The following AKAP6 variants were observed in gnomAD, a reference collection of about 807,000 sequenced individuals.
AKAP6 encodes the protein A-kinase anchoring protein 6.
AKAP6 carries 58 observed loss-of-function variants against 188.5 expected under a neutral mutation model. The ratio of observed to expected loss-of-function variants is 0.31; its 90% CI spans 0.25 to 0.38. The LOEUF is 0.38. Among genes scored for constraint, AKAP6 ranks in the 10% least tolerant of loss-of-function variants. The pLI, the probability that AKAP6 is intolerant of heterozygous loss-of-function variation, is 1.00. For synonymous variants in AKAP6, 989 were observed against 998.6 expected, an observed-to-expected ratio of 0.99 and a Z score of 0.18; for missense variants, 2,710 against 2,740.0, an observed-to-expected ratio of 0.99 and a Z score of 0.24.
intron 1 of AKAP6, among the ~76,000 whole-genome samples, chr14:32,349,085 T>A (rs906188742): frequency 6.6e-6 from 1 of 152,186 alleles, no homozygotes; most frequent in African/African-American, 2.4e-5. Flanking sequence ...TATTACTCAA[T>A]AAGAACAATG....
intron 11 of AKAP6, among the ~76,000 whole-genome samples, chr14:32,757,843 C>A (rs1594917006): frequency 6.6e-6 from 1 of 151,968 alleles, no homozygotes; most frequent in East Asian, 1.9e-4. Context: ...GGTGTTTTCT[C>A]GTGAAGAGAA....
At chr14:32,764,691 A>G (rs1422986036) in intron 11 of AKAP6, among the ~76,000 whole-genome samples, 1 of 105,660 alleles carries the variant, frequency 9.5e-6, no homozygotes, top group Non-Finnish European at 1.9e-5. Flanking sequence ...ATAGATGACA[A>G]TAATACACAC....
chr14:32,348,408 C>CTTTTTTTTTTT lies in AKAP6; in HGVS notation c.-35+19004_-35+19005insTTTTTTTTTTT, dbSNP rs1235466012. Among the ~76,000 whole-genome samples the CTTTTTTTTTTT allele has an allele frequency of 3.4e-5, 3 of 88,732 alleles. 1 individual carries two copies. The highest frequency in any genetic ancestry group is 5.8e-5 in the Non-Finnish European group (3 of 51,560). 58.2% of individuals were successfully genotyped at this position (88,732 alleles called of 152,430 possible). Reference sequence around the variant, plus strand: ...TTGTCTGAATGGGGTTCTTTCTTTTCTTTTGTTTCTTTTTTTTTTTTTTTT... The same window carrying CTTTTTTTTTTT: ...TTGTCTGAATGGGGTTCTTTCTTTTCTTTTTTTTTTTTTTTGTTTCTTTTTTTTTTTTTTTT... On this transcript the variant is annotated intron_variant, in intron 1 of 13. Coordinates refer to ENST00000280979, the MANE Select transcript of AKAP6 (RefSeq NM_004274.5).
At chr14:32,525,020 A>G (rs1882049242) in intron 2 of AKAP6, among the ~76,000 whole-genome samples, 1 of 152,178 alleles carries the variant, frequency 6.6e-6, no homozygotes, top group Non-Finnish European at 1.5e-5. Flanking sequence ...GCTAAAAAAA[A>G]TCAGTTCTAT....
chr14:32,421,756 A>G (rs1889857706), intron 1 of AKAP6, among the ~76,000 whole-genome samples: 1 of 152,118 alleles, frequency 6.6e-6, no homozygotes, highest in Non-Finnish European at 1.5e-5. Flanking sequence ...TGTTGACTGA[A>G]TGTCACTGTA....
chr14:32,523,451 G>A (rs1881958828), intron 2 of AKAP6, among the ~76,000 whole-genome samples: 1 of 150,784 alleles, frequency 6.6e-6, no homozygotes, highest in Non-Finnish European at 1.5e-5. Flanking sequence ...AAAAATCAAA[G>A]TTGAATACCT....
At chr14:32,815,330 TGAGAC>T (rs747043365) in intron 12 of AKAP6, among the ~76,000 whole-genome samples, 3 of 152,210 alleles carry the variant, frequency 2.0e-5, no homozygotes, top group Non-Finnish European at 4.4e-5. Context: ...TTTTCTGAAC[TGAGAC>T]AAGTTACTTT....
At chr14:32,532,290 G>C (rs910957524) in intron 2 of AKAP6, among the ~76,000 whole-genome samples, 10 of 152,134 alleles carry the variant, frequency 6.6e-5, no homozygotes, top group Admixed American at 1.3e-4. Flanking sequence ...TATCTACTTT[G>C]GTAGGTCAGC....
chr14:32,698,982 A>T (rs1890517208), intron 9 of AKAP6, among the ~76,000 whole-genome samples: 1 of 152,014 alleles, frequency 6.6e-6, no homozygotes, highest in Admixed American at 6.6e-5. Flanking sequence ...GTCTCTCTGT[A>T]TTTCATCACT....
Position 32,830,677 on chromosome 14 carries a change from A to C in AKAP6, c.*872A>C, listed in dbSNP as rs986122971. On this transcript the variant is annotated 3_prime_UTR_variant, in exon 14 of 14. Transcript: ENST00000280979. Reference sequence around the variant, plus strand: ...TGTATATATGTATAACCAAGTACAAACATTGATGTATAATGACAGTATAAA... The same window carrying C: ...TGTATATATGTATAACCAAGTACAACCATTGATGTATAATGACAGTATAAA... 1.3e-5 allele frequency: 2 copies of C among 152,660 alleles called. No individual in the cohort carries two copies. The highest frequency in any genetic ancestry group is 4.8e-5 in the African/African-American group (2 of 41,464). 9.5% of individuals were successfully genotyped at this position (152,660 alleles called of 1,614,324 possible).
rs777171525 is a variant in AKAP6, at chr14:32,545,909, C to T, written c.1256C>T (p.Pro419Leu). 2 of 1,614,150 alleles carry T rather than the reference C, an allele frequency of 1.2e-6. No homozygotes were observed. Among genetic ancestry groups the T allele is most frequent in the East Asian group, 2.2e-5 (1 of 44,878 alleles). Residue 419 changes from proline to leucine, a missense_variant, in exon 4 of 14, where the codon CCT (proline) becomes CTT (leucine). Physicochemically the swap from Pro to Leu is moderately conservative, Grantham distance 98. This residue lies in a region of AKAP6 where 2,473 missense variants were observed against 2,426.1 expected (regional missense o/e 1.02). Transcript: ENST00000280979. ...AAGAGGCAAATGGTTGATCTAAAGCCTGAGATGAGCAGAAGCACCCCTTCG... is the reference window on the plus strand; with the variant it reads ...AAGAGGCAAATGGTTGATCTAAAGCTTGAGATGAGCAGAAGCACCCCTTCG... ...GGKRQMVDLK[P>L]EMSRSTPSLV...
intron 2 of AKAP6, among the ~76,000 whole-genome samples, chr14:32,438,143 T>C (rs1393287308): frequency 6.6e-6 from 1 of 152,164 alleles, no homozygotes; most frequent in African/African-American, 2.4e-5. Flanking sequence ...AGGATTGAAT[T>C]AGGACAAAGG....
chr14:32,789,886 GA>G (rs2033556290), intron 12 of AKAP6, among the ~76,000 whole-genome samples: 1 of 152,184 alleles, frequency 6.6e-6, no homozygotes, highest in Non-Finnish European at 1.5e-5. Context: ...TGAATTGACA[GA>G]AGTAGGCTTC....
chr14:32,340,003 A>G (rs1312287580), intron 1 of AKAP6, among the ~76,000 whole-genome samples: 1 of 151,448 alleles, frequency 6.6e-6, no homozygotes, highest in African/African-American at 2.4e-5. Context: ...TGAAATTCAA[A>G]CCATTTTGAC....
intron 1 of AKAP6, among the ~76,000 whole-genome samples, chr14:32,414,811 A>C (rs1889604684): frequency 6.6e-6 from 1 of 152,208 alleles, no homozygotes; most frequent in Non-Finnish European, 1.5e-5. Context: ...CTTTTGGGCA[A>C]TTCAGCCTCT....
At chr14:32,417,883 TA>T (rs1346835410) in intron 1 of AKAP6, 1 of 152,158 alleles carries the variant, frequency 6.6e-6, no homozygotes, top group African/African-American at 2.4e-5. Flanking sequence ...GTTAATGAAA[TA>T]TTCTAGATTA....
At chr14:32,548,796 C>T (rs144401864) in intron 4 of AKAP6, among the ~76,000 whole-genome samples, 46 of 152,282 alleles carry the variant, frequency 3.0e-4, no homozygotes, top group African/African-American at 1.0e-3. Flanking sequence ...GTTTCTCCTT[C>T]GCCGGGAAAC....
At chr14:32,732,174 A>T (rs556647046) in intron 9 of AKAP6, among the ~76,000 whole-genome samples, 2 of 152,184 alleles carry the variant, frequency 1.3e-5, no homozygotes, top group African/African-American at 4.8e-5. Context: ...ACCAGTTACT[A>T]TCCTATTTAG....
intron 11 of AKAP6, among the ~76,000 whole-genome samples, chr14:32,763,397 C>T (rs929610885): frequency 2.6e-5 from 4 of 152,034 alleles, no homozygotes; most frequent in Admixed American, 6.5e-5. Context: ...GTTTCATAAA[C>T]GTTTTTCTAC....
Sources: allele counts gnomAD v4.1 joint callset (sites outside exome capture counted in the v4.1 genomes callset), GRCh38; gene constraint gnomAD v4.1.1; regional missense constraint gnomAD v4.1.1; transcripts MANE v1.5; gene names NCBI Gene and HGNC (gene_info 2026-07-23, HGNC 2026-07-21).